The following INPP5A variants were observed in gnomAD, a reference collection of about 807,000 sequenced individuals.
INPP5A encodes the protein inositol polyphosphate-5-phosphatase A, also known as 43 kDa inositol polyphosphate 5-phophatase.
A neutral mutation model predicts 65.2 loss-of-function variants in INPP5A; 14 were observed. That is an observed-to-expected ratio of 0.21 (90% CI 0.14 to 0.34). The LOEUF is 0.34. Ranked by LOEUF, INPP5A falls within the 10% of genes least tolerant of loss-of-function variation. The pLI, the probability that INPP5A is intolerant of heterozygous loss-of-function variation, is 1.00. For missense variants in INPP5A, 431 were observed against 545.6 expected, an observed-to-expected ratio of 0.79 and a Z score of 2.09; for synonymous variants, 207 against 208.3, an observed-to-expected ratio of 0.99 and a Z score of 0.05.
chr10:132,603,635 AT>A lies in INPP5A; in HGVS notation c.76-4279del, dbSNP rs576295763. Among the ~76,000 whole-genome samples, 293 of 152,324 alleles carry A rather than the reference AT, an allele frequency of 1.9e-3. 1 individual carries two copies. The highest frequency in any genetic ancestry group is 6.6e-3 in the African/African-American group (276 of 41,582). On this transcript the variant is annotated intron_variant, in intron 1 of 15. Transcript: ENST00000368594. The surrounding 1 kb of genome is among the most constrained non-coding windows in gnomAD (Gnocchi z 4.2). ...AACTTGAAGAATGTAGCGTTTAAGA[AT>A]ACATTTTAATTTTAGAGCACGTTTA...
Position 132,768,710 on chromosome 10 carries a change from G to A in INPP5A, c.977+2864G>A, listed in dbSNP as rs75212082. 1.0e-3 allele frequency among the ~76,000 whole-genome samples: 157 copies of A among 152,368 alleles called. 3 individuals are homozygous for A. In the East Asian group the frequency reaches 0.028, roughly 27 times the overall value. On this transcript the variant is annotated intron_variant, in intron 12 of 15. Transcript: ENST00000368594. ...CTGTGTCTGACCCAGCTCCTCAGAA[G>A]CTGGGAGCCGAGCCGCCATCTGTAC...
At chr10:132,763,568 C>T (rs905301369) in intron 11 of INPP5A, among the ~76,000 whole-genome samples, 2 of 151,672 alleles carry the variant, frequency 1.3e-5, no homozygotes, top group African/African-American at 2.4e-5. Flanking sequence ...TGCATGCAAA[C>T]ACACACATGC....
intron 9 of INPP5A, among the ~76,000 whole-genome samples, chr10:132,742,387 G>A (rs1005939271): frequency 3.3e-5 from 5 of 152,184 alleles, no homozygotes; most frequent in Admixed American, 1.3e-4. Flanking sequence ...AGAGAGGGGC[G>A]CTCCCAGCTT....
intron 2 of INPP5A, among the ~76,000 whole-genome samples, chr10:132,633,829 G>T (rs929821224): frequency 6.6e-6 from 1 of 152,194 alleles, no homozygotes; most frequent in Non-Finnish European, 1.5e-5. Context: ...CAGTGAGCAC[G>T]TTCAGCAAAC....
intron 13 of INPP5A, 125 bp downstream of exon 13, chr10:132,777,907 G>T: frequency 6.6e-7 from 1 of 1,515,452 alleles, no homozygotes. Flanking sequence ...TGCCAGGTTG[G>T]GCCCTGACCT....
In INPP5A at chr10:132,550,659, G is replaced by GAC. The variant is rs1237274754; in HGVS notation, c.75+12490_75+12491dup. ...GCTGGCCACAGGACGTCCACTGTAGGACAGCTGGGAGTGGGGGTGTCTGGC... is the reference window on the plus strand; with the variant it reads ...GCTGGCCACAGGACGTCCACTGTAGGACACAGCTGGGAGTGGGGGTGTCTGGC... On this transcript the variant is annotated intron_variant, in intron 1 of 15. Coordinates refer to ENST00000368594, the MANE Select transcript of INPP5A (RefSeq NM_005539.5). The surrounding 1 kb of genome is among the most constrained non-coding windows in gnomAD (Gnocchi z 4.2). Among the ~76,000 whole-genome samples the GAC allele has an allele frequency of 6.6e-6, 1 of 152,244 alleles. No homozygotes were observed. Among genetic ancestry groups the GAC allele is most frequent in the African/African-American group, 2.4e-5 (1 of 41,450 alleles).
chr10:132,671,748 T>C (rs931348761), intron 4 of INPP5A, among the ~76,000 whole-genome samples: 19 of 152,232 alleles, frequency 1.2e-4, no homozygotes, highest in African/African-American at 3.9e-4. Context: ...AGAGCAGCCC[T>C]ATGAAGTGGG....
chr10:132,761,516 G>A lies in INPP5A; in HGVS notation c.904-4257G>A, dbSNP rs551779615. Among the ~76,000 whole-genome samples, 168 of 152,060 alleles carry A rather than the reference G, an allele frequency of 1.1e-3. 1 individual carries two copies. The highest frequency in any genetic ancestry group is 3.9e-3 in the African/African-American group (161 of 41,464). On this transcript the variant is annotated intron_variant, in intron 11 of 15. Transcript: ENST00000368594. Reference sequence around the variant, plus strand: ...CAGCAGGTGAGCAGCACCTGTGGGGGAGGAGCCTGGGGGTGCCACGAGGAA... The same window carrying A: ...CAGCAGGTGAGCAGCACCTGTGGGGAAGGAGCCTGGGGGTGCCACGAGGAA...
At chr10:132,649,928 C>A (rs1308014093) in intron 3 of INPP5A, among the ~76,000 whole-genome samples, 1 of 152,178 alleles carries the variant, frequency 6.6e-6, no homozygotes, top group Non-Finnish European at 1.5e-5. Context: ...GGTTGCAAGG[C>A]CGTGGCAACT....
chr10:132,721,203 G>A (rs1353090146), intron 8 of INPP5A, among the ~76,000 whole-genome samples: 2 of 143,438 alleles, frequency 1.4e-5, no homozygotes, highest in African/African-American at 5.2e-5. Context: ...GTTCTTTCTG[G>A]GGGCGCCTTA....
chr10:132,680,476 TAGTG>T (rs1263351497), intron 4 of INPP5A, among the ~76,000 whole-genome samples: 8 of 152,196 alleles, frequency 5.3e-5, no homozygotes, highest in East Asian at 1.9e-4. Flanking sequence ...GCGCAGAAGA[TAGTG>T]AGAGGTGACA....
intron 1 of INPP5A, among the ~76,000 whole-genome samples, chr10:132,565,303 A>G (rs775433558): frequency 2.0e-4 from 30 of 152,192 alleles, no homozygotes; most frequent in Admixed American, 8.5e-4. Flanking sequence ...AAACAACTCA[A>G]GGAATAAGCC....
intron 2 of INPP5A, among the ~76,000 whole-genome samples, chr10:132,622,242 T>C (rs1424273834): frequency 6.6e-6 from 1 of 152,208 alleles, no homozygotes; most frequent in Non-Finnish European, 1.5e-5. Flanking sequence ...TATAAAGAAC[T>C]TGAGAAATAT....
chr10:132,774,608 C>T (rs1384007769), intron 12 of INPP5A, among the ~76,000 whole-genome samples: 1 of 152,160 alleles, frequency 6.6e-6, no homozygotes, highest in Non-Finnish European at 1.5e-5. Flanking sequence ...GTCAGCCCTG[C>T]CCCAAGACCT....
intron 12 of INPP5A, 44 bp from the exon 13 acceptor site, chr10:132,777,627 G>A (rs749420341): frequency 4.9e-5 from 77 of 1,577,084 alleles, no homozygotes; most frequent in Non-Finnish European, 6.1e-5. Flanking sequence ...GGCTGAGGAC[G>A]GCCCGAGCCG....
In INPP5A at chr10:132,550,583, G is replaced by T. The variant is rs568771105; in HGVS notation, c.75+12412G>T. Among the ~76,000 whole-genome samples, 1 of 152,376 alleles carries T rather than the reference G, an allele frequency of 6.6e-6. No individual in the cohort carries two copies. ...GAGAGGGCCTGGCTGTGAGCCGCAT[G>T]GTACGAACCTTCTGAATGCAAGTGG... is the stretch of plus-strand genomic sequence containing the variant. On this transcript the variant is annotated intron_variant, in intron 1 of 15. Coordinates refer to ENST00000368594, the MANE Select transcript of INPP5A (RefSeq NM_005539.5). This position sits in a 1 kb window ranked among gnomAD's most constrained non-coding sequence, Gnocchi z 4.2.
At chr10:132,734,301 C>T (rs1209291204) in intron 9 of INPP5A, among the ~76,000 whole-genome samples, 1 of 152,260 alleles carries the variant, frequency 6.6e-6, no homozygotes, top group Non-Finnish European at 1.5e-5. Flanking sequence ...CTGTGCGCTT[C>T]TCCTTCCTCA....
In INPP5A at chr10:132,628,463, C is replaced by CG. The variant is rs55668291; in HGVS notation, c.118-17390dup. 1.8e-3 allele frequency among the ~76,000 whole-genome samples: 42 copies of CG among 23,284 alleles called. 1 individual carries two copies. The highest frequency in any genetic ancestry group is 6.5e-3 in the East Asian group (5 of 766). The allele number at this position is 23,284 out of a possible 152,430, so 15.3% of individuals were successfully genotyped here. ...TCTCCCTCCAGATGTGCTCTGGTGG[C>CG]GGGGGGGGGGGGGGGCGTGGCGTGG... On this transcript the variant is annotated intron_variant, in intron 2 of 15. Transcript: ENST00000368594.
At chr10:132,684,928 G>A (rs2073095668) in intron 4 of INPP5A, among the ~76,000 whole-genome samples, 1 of 152,180 alleles carries the variant, frequency 6.6e-6, no homozygotes, top group Non-Finnish European at 1.5e-5. Flanking sequence ...TGCGTATGAG[G>A]GGAGTCATGT....
Sources: gnomAD v4.1 joint callset for allele counts (sites outside exome capture counted in the v4.1 genomes callset) on GRCh38, gnomAD v4.1.1 for gene constraint, Gnocchi (gnomAD v3.1) non-coding constraint, MANE v1.5 for transcripts, NCBI Gene and HGNC (gene_info 2026-07-23, HGNC 2026-07-21) for gene names.